The following MUC5AC variants were observed in gnomAD, a reference collection of about 807,000 sequenced individuals.
The protein encoded by MUC5AC is mucin 5AC, oligomeric mucus/gel-forming.
In MUC5AC, 158 loss-of-function variants were observed where a neutral mutation model predicts 169.7. The ratio of observed to expected loss-of-function variants is 0.93; its 90% CI spans 0.82 to 1.06. The LOEUF is 1.06. Ranked by LOEUF, MUC5AC falls within the 50% of genes least tolerant of loss-of-function variation. The pLI is 0.00. For synonymous variants in MUC5AC, 1,975 were observed against 1,237.0 expected, an observed-to-expected ratio of 1.60 and a Z score of -12.52; for missense variants, 4,359 against 3,089.9, an observed-to-expected ratio of 1.41 and a Z score of -9.74.
At position 1,199,111 on chromosome 11, in the gene MUC5AC, G is replaced by T. The variant is rs763222120; in HGVS notation, c.16321G>T (p.Gly5441Trp). Reference protein sequence around the residue: ...PVGFEYQEQSGQCCGTCVQVA... With the variant: ...PVGFEYQEQSWQCCGTCVQVA... ...GGGCTTCGAGTACCAGGAGCAGAGCGGGCAGTGCTGTGGCACCTGTGTGCA... is the reference window on the plus strand; with the variant it reads ...GGGCTTCGAGTACCAGGAGCAGAGCTGGCAGTGCTGTGGCACCTGTGTGCA... The change falls in exon 45 of 49, where the codon GGG (glycine) becomes TGG (tryptophan). Residue 5441 changes from glycine (G) to tryptophan (W), a missense_variant. By Grantham distance (184) the Gly-to-Trp change is radical. Transcript: ENST00000621226. The T allele has an allele frequency of 1.3e-6, 1 of 764,672 alleles. No homozygotes were observed. The highest frequency in any genetic ancestry group is 2.4e-6 in the Non-Finnish European group (1 of 417,732). The allele number at this position is 764,672 out of a possible 1,614,324, so 47.4% of individuals were successfully genotyped here.
intron 26 of MUC5AC, 25 bp from the exon 27 acceptor site, chr11:1,179,997 C>T (rs918168321): frequency 4.8e-5 from 19 of 398,638 alleles, no homozygotes; most frequent in African/African-American, 1.4e-4. Context: ...TGGGACCCCA[C>T]CGAGCCCTTC....
rs1451544300 is a variant in MUC5AC at position 1,185,926 on chromosome 11, C to G, written c.7781C>G (p.Thr2594Ser). ...ACCAGCACAACCTCTGGTCCTGGAACTACTCCCAGTGCTGTTCCCACCACC... is the reference window on the plus strand; with the variant it reads ...ACCAGCACAACCTCTGGTCCTGGAAGTACTCCCAGTGCTGTTCCCACCACC... ...PTTSTTSGPG[T>S]TPSAVPTTSI... is the part of the protein sequence containing the mutation. The change falls in exon 31 of 49, where the codon ACT becomes AGT. Residue 2594 changes from threonine to serine, a missense_variant. Transcript: ENST00000621226. 5 of 745,022 alleles carry G rather than the reference C, an allele frequency of 6.7e-6. No homozygotes were observed. Among genetic ancestry groups the G allele is most frequent in the Non-Finnish European group, 1.2e-5 (5 of 408,056 alleles). 46.2% of individuals were successfully genotyped at this position (745,022 alleles called of 1,614,324 possible).
intron 11 of MUC5AC, 106 bp downstream of exon 11, chr11:1,165,866 C>T (rs1031334367): frequency 6.6e-7 from 1 of 1,506,214 alleles, no homozygotes; most frequent in Non-Finnish European, 9.0e-7. Context: ...CCTGGGGTCA[C>T]CCTTGGGGGT....
chr11:1,165,495 G>T, intron 10 of MUC5AC, 76 bp downstream of exon 10: 1 of 1,580,390 alleles, frequency 6.3e-7, no homozygotes, highest in South Asian at 1.1e-5. Context: ...ACCCAGGCCG[G>T]CAGGCTCCCT....
At position 1,190,454 on chromosome 11, in the gene MUC5AC, C is replaced by G; in HGVS notation, c.12309C>G (p.Thr4103=). The change falls in exon 31 of 49, where the codon ACC becomes ACG. Residue 4103 remains threonine, a synonymous_variant. Coordinates refer to ENST00000621226, the MANE Select transcript of MUC5AC (RefSeq NM_001304359.2). ...CCAGCACAACCTCCACTCCACAGAC[C>G]AGCACAACCTCTGCCCCTACAACCA... The part of the protein sequence containing the change: ...VTTSTTSTPQ[T]STTSAPTTST... 2.2e-5 allele frequency: 15 copies of G among 692,440 alleles called. No individual in the cohort carries two copies. The highest frequency in any genetic ancestry group is 3.7e-5 in the Non-Finnish European group (14 of 380,392). The allele number at this position is 692,440 out of a possible 1,614,324, so 42.9% of individuals were successfully genotyped here.
intron 26 of MUC5AC, 67 bp downstream of exon 26, chr11:1,179,315 C>A (rs1205460319): frequency 4.5e-6 from 2 of 441,980 alleles, no homozygotes; most frequent in South Asian, 3.4e-5. Flanking sequence ...CCACACTCGC[C>A]GCTGATGCGT....
intron 15 of MUC5AC, among the ~76,000 whole-genome samples, chr11:1,169,787 CT>C (rs1187002090): frequency 6.9e-6 from 1 of 145,874 alleles, no homozygotes; most frequent in Admixed American, 6.8e-5. Flanking sequence ...CCCACTCACG[CT>C]TTCACCCACT....
chr11:1,192,657 C>T (rs1234009911), intron 31 of MUC5AC, 126 bp from the exon 32 acceptor site: 1 of 686,806 alleles, frequency 1.5e-6, no homozygotes, highest in Non-Finnish European at 2.6e-6. Flanking sequence ...AGAGTGGCTG[C>T]TGGCATTCTC....
chr11:1,171,460 TTCACCCCCTCAC>T (rs1860529931), intron 15 of MUC5AC, among the ~76,000 whole-genome samples: 1 of 63,966 alleles, frequency 1.6e-5, no homozygotes, highest in Non-Finnish European at 3.1e-5. Flanking sequence ...CATTCACCCA[TTCACCCCCTCAC>T]TCACCCACTC....
At chr11:1,179,301 C>T in intron 26 of MUC5AC, 53 bp downstream of exon 26, 1 of 500,608 alleles carries the variant, frequency 2.0e-6, no homozygotes, top group Non-Finnish European at 3.6e-6. Flanking sequence ...CAGCGTGTGC[C>T]CCACCACACT....
At position 1,191,787 on chromosome 11, in the gene MUC5AC, G is replaced by C. The variant is rs1156681316; in HGVS notation, c.13642G>C (p.Val4548Leu). The part of the protein sequence containing the change: ...TSGPGTSLSP[V>L]PTTSTTSAPT... ...TGGTCCTGGAACTTCTCTCAGCCCT[G>C]TTCCCACCACGAGCACAACCTCTGC... Residue 4548 changes from valine (V) to leucine (L), a missense_variant, in exon 31 of 49, where the codon GTT becomes CTT. Val to Leu is a conservative substitution (Grantham distance 32, BLOSUM62 1). Coordinates refer to ENST00000621226, the MANE Select transcript of MUC5AC (RefSeq NM_001304359.2). 1.3e-6 allele frequency: 1 copy of C among 759,870 alleles called. No homozygotes were observed. The allele number at this position is 759,870 out of a possible 1,614,324, so 47.1% of individuals were successfully genotyped here. A position where few individuals can be genotyped will look rare whatever the true frequency, so the allele number is the denominator to read the frequency against.
chr11:1,169,243 G>A, intron 15 of MUC5AC: 1 of 872,026 alleles, frequency 1.1e-6, no homozygotes, highest in Non-Finnish European at 1.4e-6. Flanking sequence ...TCAAAGAAAG[G>A]GTACAAGTCT....
intron 36 of MUC5AC, 78 bp downstream of exon 36, chr11:1,195,357 A>T (rs1379803934): frequency 4.2e-6 from 3 of 714,378 alleles, no homozygotes; most frequent in African/African-American, 1.7e-5. Context: ...GAGGGGAAGA[A>T]GCGCATTTTC....
At chr11:1,168,188 G>A (rs1322798200) in intron 12 of MUC5AC, among the ~76,000 whole-genome samples, 8 of 152,172 alleles carry the variant, frequency 5.3e-5, no homozygotes, top group Non-Finnish European at 8.8e-5. Flanking sequence ...CTCCCGGGCC[G>A]CCATACCTGA....
Position 1,165,312 on chromosome 11 carries a change from TG to T in MUC5AC, c.1141del (p.Asp381ThrfsTer80), listed in dbSNP as rs1223270610. 2 of 1,611,878 alleles carry T rather than the reference TG, an allele frequency of 1.2e-6. No homozygotes were observed. The highest frequency in any genetic ancestry group is 2.7e-5 in the African/African-American group (2 of 74,930). ...GCFCPEGTVL[D>X]DIGQTGCVPV... ...GCCTGACCCCTGCAGGGACGGTGCTTGACGACATCGGCCAGACCGGCTGTGT... is the reference window on the plus strand; with the variant it reads ...GCCTGACCCCTGCAGGGACGGTGCTTACGACATCGGCCAGACCGGCTGTGT... On this transcript the variant is annotated frameshift_variant, in exon 10 of 49. Coordinates refer to ENST00000621226, the MANE Select transcript of MUC5AC (RefSeq NM_001304359.2). LOFTEE classifies it high-confidence loss of function.
rs969256236 is a variant in MUC5AC, at chr11:1,182,480, T to C, written c.4335T>C (p.Arg1445=). 8 of 398,588 alleles carry C rather than the reference T, an allele frequency of 2.0e-5. No individual in the cohort carries two copies. In the Admixed American group the frequency reaches 3.1e-4, roughly 15 times the overall value. The allele number at this position is 398,588 out of a possible 1,614,324, so 24.7% of individuals were successfully genotyped here. Residue 1445 remains arginine (R), a synonymous_variant, in exon 31 of 49, where the codon CGT becomes CGC. Transcript: ENST00000621226. ...TGCCGCTCCGAGCCCTGGGGCAGCG[T>C]GTGCAGTGCAGCCCGGATGTGGGGC... ...PGVPLRALGQ[R]VQCSPDVGLT...
rs1374615961 is a variant in MUC5AC at position 1,178,713 on chromosome 11, C to T, written c.3327+30C>T. On this transcript the variant is annotated intron_variant, in intron 25 of 48. Transcript: ENST00000621226. ...GCTGGCCGGGGGGCGTTTCTCTGGG[C>T]CCAAGGGGGTCATGGTGACCCAAGG... 18 of 1,161,376 alleles carry T rather than the reference C, an allele frequency of 1.5e-5. 1 individual carries two copies. In the East Asian group the frequency reaches 3.1e-4, roughly 20 times the overall value. The allele number at this position is 1,161,376 out of a possible 1,614,324, so 71.9% of individuals were successfully genotyped here.
At chr11:1,199,637 C>T in intron 46 of MUC5AC, 58 bp from the exon 47 acceptor site, 2 of 699,920 alleles carry the variant, frequency 2.9e-6, no homozygotes, top group East Asian at 2.7e-5. Flanking sequence ...CCCCATCCCT[C>T]ACTTCTGTGG....
Position 1,178,622 on chromosome 11 carries a change from C to G in MUC5AC, c.3266C>G (p.Ser1089Cys). The change falls in exon 25 of 49, where the codon TCC becomes TGC. Residue 1089 changes from serine to cysteine, a missense_variant. Transcript: ENST00000621226. ...TGCACGGCCAACCCCTTCCGCAAGT[C>G]CTGGGCCCAGAAGCAGTGCAGCATC... is the stretch of plus-strand genomic sequence containing the variant. ...DPCTANPFRKSWAQKQCSILH... is the reference protein window; with the variant it reads ...DPCTANPFRKCWAQKQCSILH... The G allele has an allele frequency of 7.1e-7, 1 of 1,405,962 alleles. No homozygotes were observed. Among genetic ancestry groups the G allele is most frequent in the Non-Finnish European group, 9.3e-7 (1 of 1,069,850 alleles). The allele number at this position is 1,405,962 out of a possible 1,614,324, so 87.1% of individuals were successfully genotyped here. A position where few individuals can be genotyped will look rare whatever the true frequency, so the allele number is the denominator to read the frequency against.
Sources: allele counts gnomAD v4.1 joint callset (sites outside exome capture counted in the v4.1 genomes callset), GRCh38; gene constraint gnomAD v4.1.1; transcripts MANE v1.5; gene names NCBI Gene and HGNC (gene_info 2026-07-23, HGNC 2026-07-21).